PEX5: variants seen among roughly 807,000 people sequenced by gnomAD.
PEX5 encodes the protein PTS1 receptor.
In PEX5, 52 loss-of-function variants were observed where a neutral mutation model predicts 82.9. The observed-to-expected ratio is 0.63, with a 90% CI of 0.50 to 0.79. The LOEUF (loss-of-function observed/expected upper bound fraction) is 0.79. Ranked by LOEUF, PEX5 falls within the 30% of genes least tolerant of loss-of-function variation. The pLI, the probability that PEX5 is intolerant of heterozygous loss-of-function variation, is 0.00. For synonymous variants in PEX5, 300 were observed against 318.8 expected (o/e 0.94, Z 0.63); for missense variants, 719 against 815.2 (o/e 0.88, Z 1.44).
At chr12:7,197,252 T>TATATAATGTAATTATATGTCATATATA (rs370703108) in intron 5 of PEX5, among the ~76,000 whole-genome samples, 1 of 15,444 alleles carries the variant, frequency 6.5e-5, no homozygotes, top group Non-Finnish European at 1.5e-4. Flanking sequence ...TTATATGTCA[T>TATATAATGTAATTATATGTCATATATA]ATGTAATAAT....
At chr12:7,203,713 G>A (rs1944430320) in intron 10 of PEX5, among the ~76,000 whole-genome samples, 162 bp downstream of exon 10, 1 of 152,188 alleles carries the variant, frequency 6.6e-6, no homozygotes, top group Non-Finnish European at 1.5e-5. Context: ...CAGTGATTGA[G>A]TATAAACTTT....
chr12:7,215,384 A>G (rs545969770), downstream of PEX5, among the ~76,000 whole-genome samples: 1 of 152,242 alleles, frequency 6.6e-6, no homozygotes, highest in Non-Finnish European at 1.5e-5. Context: ...AAGTAGTCCC[A>G]TTACAGAGTA....
rs761497229 is a variant in PEX5 at position 7,209,844 on chromosome 12, A to G, written c.1718+4A>G. The stretch of plus-strand genomic sequence containing the variant: ...GCATCAACCTCGGGGCTCACCGGTG[A>G]GAGTATCTATTGAGAAATGAATGAA... On this transcript the variant is annotated splice_donor_region_variant and intron_variant, in intron 15 of 15. Coordinates refer to ENST00000675855, the MANE Select transcript of PEX5 (RefSeq NM_001351132.2). 5 of 1,614,000 alleles carry G rather than the reference A, an allele frequency of 3.1e-6. No homozygotes were observed. The highest frequency in any genetic ancestry group is 2.2e-5 in the East Asian group (1 of 44,894).
intron 6 of PEX5, among the ~76,000 whole-genome samples, chr12:7,200,376 G>T (rs1943642981): frequency 6.6e-6 from 1 of 151,742 alleles, no homozygotes; most frequent in African/African-American, 2.4e-5. Flanking sequence ...TGGGATGGCG[G>T]CCGGGCAGAG....
upstream of PEX5, chr12:7,189,078 G>A (rs893962383): frequency 6.6e-6 from 1 of 152,204 alleles, no homozygotes; most frequent in South Asian, 2.1e-4. Flanking sequence ...TCCGGAATTT[G>A]TCATCATGCA....
intron 5 of PEX5, among the ~76,000 whole-genome samples, chr12:7,197,195 ATTATATATGTCATATATAATG>A (rs1942666090): frequency 9.7e-6 from 1 of 103,120 alleles, no homozygotes; most frequent in African/African-American, 4.0e-5. Context: ...ATATAATGTA[ATTATATATGTCATATATAATG>A]TAATTATATA....
chr12:7,216,259 T>C (rs991885447), downstream of PEX5, among the ~76,000 whole-genome samples: 6 of 152,190 alleles, frequency 3.9e-5, no homozygotes, highest in African/African-American at 1.4e-4. Context: ...TGAGCCACCG[T>C]GCCCGGCCCA....
At chr12:7,194,923 G>A (rs1941822447) in intron 5 of PEX5, among the ~76,000 whole-genome samples, 1 of 152,184 alleles carries the variant, frequency 6.6e-6, no homozygotes, top group Non-Finnish European at 1.5e-5. Flanking sequence ...ACTAACATTT[G>A]TTACTGTATT....
At chr12:7,198,257 G>A (rs917566243) in intron 5 of PEX5, among the ~76,000 whole-genome samples, 10 of 152,120 alleles carry the variant, frequency 6.6e-5, no homozygotes, top group African/African-American at 2.4e-4. Context: ...TCAGAATAGT[G>A]TTTACTTCTG....
At chr12:7,189,628 G>T (rs1325876348), upstream of PEX5, 2 of 310,118 alleles carry the variant, frequency 6.4e-6, no homozygotes, top group Non-Finnish European at 1.2e-5. Context: ...GGCCTGGGCC[G>T]CTGCGGGGCG....
rs372518460 is a variant in PEX5, at chr12:7,208,573, C to T, written c.1298C>T (p.Thr433Ile). The stretch of plus-strand genomic sequence containing the variant: ...ACCCTACGAGACTGGCTGCGGTACA[C>T]ACCAGCCTATGCCCATCTGGTGACA... ...CETLRDWLRYTPAYAHLVTPA... is the reference protein window; with the variant it reads ...CETLRDWLRYIPAYAHLVTPA... Residue 433 changes from threonine (T) to isoleucine (I), a missense_variant, in exon 13 of 16, where the codon ACA (threonine) becomes ATA (isoleucine). By Grantham distance (89) the Thr-to-Ile change is moderately conservative. Coordinates refer to ENST00000675855, the MANE Select transcript of PEX5 (RefSeq NM_001351132.2). 4 of 1,614,048 alleles carry T rather than the reference C, an allele frequency of 2.5e-6. No homozygotes were observed. The highest frequency in any genetic ancestry group is 3.4e-6 in the Non-Finnish European group (4 of 1,180,024).
At chr12:7,191,524 G>A (rs1200235491) in intron 4 of PEX5, 45 bp from the exon 5 acceptor site, 2 of 1,610,408 alleles carry the variant, frequency 1.2e-6, no homozygotes, top group Admixed American at 1.7e-5. Flanking sequence ...ATGATGGAAT[G>A]GTATGTATGT....
At chr12:7,190,730 T>C in intron 2 of PEX5, 158 bp from the exon 3 acceptor site, 1 of 1,322,872 alleles carries the variant, frequency 7.6e-7, no homozygotes, top group Non-Finnish European at 1.1e-6. Flanking sequence ...TAGTTACCAC[T>C]TACTGAGCGT....
intron 5 of PEX5, among the ~76,000 whole-genome samples, chr12:7,196,350 A>T (rs1173104213): frequency 7.3e-6 from 1 of 136,650 alleles, no homozygotes; most frequent in African/African-American, 2.6e-5. Flanking sequence ...GTCATATATA[A>T]TTTAATTATA....
At chr12:7,212,732 A>C (rs1439345408), downstream of PEX5, 1 of 152,216 alleles carries the variant, frequency 6.6e-6, no homozygotes, top group Non-Finnish European at 1.5e-5. Context: ...CTTCTCTGTA[A>C]TTCTCAAATT....
In PEX5 at chr12:7,210,118, C is replaced by T. The variant is rs754429044; in HGVS notation, c.1815C>T (p.Ser605=). 49 of 1,614,214 alleles carry T rather than the reference C, an allele frequency of 3.0e-5. 1 individual carries two copies. In the South Asian group the frequency reaches 5.4e-4, roughly 18 times the overall value. ...GTGCCATGTCGGAGAACATCTGGAG[C>T]ACCCTGCGTTTGGCATTGTCTATGT... ...EGGAMSENIW[S]TLRLALSMLG... is the part of the protein sequence containing the mutation. The change falls in exon 16 of 16, where the codon AGC becomes AGT. Residue 605 remains serine (S), a synonymous_variant. Transcript: ENST00000675855.
At chr12:7,201,708 T>G in intron 6 of PEX5, 43 bp from the exon 7 acceptor site, 2 of 1,352,760 alleles carry the variant, frequency 1.5e-6, no homozygotes, top group Non-Finnish European at 2.1e-6. Flanking sequence ...ATGGGGAGGG[T>G]GATGGCAGAC....
intron 6 of PEX5, among the ~76,000 whole-genome samples, chr12:7,200,826 C>G (rs1943780235): frequency 6.6e-6 from 1 of 151,682 alleles, no homozygotes; most frequent in Non-Finnish European, 1.5e-5. Flanking sequence ...TTGCAGGGAG[C>G]CGAGATGGCA....
In PEX5 at chr12:7,201,842, G is replaced by A; in HGVS notation, c.642+1G>A. The A allele has an allele frequency of 6.2e-7, 1 of 1,606,734 alleles. No individual in the cohort carries two copies. On this transcript the variant is annotated splice_donor_variant, in intron 7 of 15. Transcript: ENST00000675855. LOFTEE classifies it high-confidence loss of function. The stretch of plus-strand genomic sequence containing the variant: ...TGACCCCAAATTGGCTAATTCTGAG[G>A]TGAGCCACATCCCTCTGCTGCTTTG...
Sources: allele counts gnomAD v4.1 joint callset (sites outside exome capture counted in the v4.1 genomes callset), GRCh38; gene constraint gnomAD v4.1.1; transcripts MANE v1.5; gene names NCBI Gene and HGNC (gene_info 2026-07-23, HGNC 2026-07-21).